RORA: variants seen among roughly 807,000 people sequenced by gnomAD.
RORA encodes the protein RAR related orphan receptor A.
In RORA, 7 loss-of-function variants were observed where a neutral mutation model predicts 69.5. The observed-to-expected ratio is 0.10, with a 90% CI of 0.06 to 0.19. The LOEUF is 0.19. Ranked by LOEUF, RORA falls within the 10% of genes least tolerant of loss-of-function variation. RORA has a pLI of 1.00. For synonymous variants in RORA, 261 were observed against 240.8 expected (o/e 1.08, Z -0.78); for missense variants, 457 against 663.0 (o/e 0.69, Z 3.41).
Position 60,939,234 on chromosome 15 carries a change from C to T in RORA, c.167-260548G>A, listed in dbSNP as rs569905728. Among the ~76,000 whole-genome samples, 15 of 152,126 alleles carry T rather than the reference C, an allele frequency of 9.9e-5. 1 individual carries two copies. The highest frequency in any genetic ancestry group is 6.5e-4 in the Admixed American group (10 of 15,274). ...TCATTGTATTATATACAACAAACTG[C>T]GACCTTGTTCCCACCATGAACCAGG... On this transcript the variant is annotated intron_variant, in intron 1 of 10. Coordinates refer to ENST00000335670, the MANE Select transcript of RORA (RefSeq NM_134261.3).
intron 1 of RORA, among the ~76,000 whole-genome samples, chr15:61,090,842 CTT>C (rs1438746065): frequency 6.6e-6 from 1 of 152,144 alleles, no homozygotes. Context: ...TGCCTGATAG[CTT>C]TTGTCACCCC....
chr15:60,879,497 CTG>C (rs1051809976), intron 1 of RORA, among the ~76,000 whole-genome samples: 9 of 152,144 alleles, frequency 5.9e-5, no homozygotes, highest in African/African-American at 1.4e-4. Context: ...AAGCAAATAA[CTG>C]TCAAAAGTCA....
chr15:60,807,255 C>T (rs2072672653), intron 1 of RORA, among the ~76,000 whole-genome samples: 1 of 152,134 alleles, frequency 6.6e-6, no homozygotes, highest in African/African-American at 2.4e-5. Context: ...AGTAGCCCTG[C>T]TATACACCAA....
chr15:61,043,143 C>T (rs1379438772), intron 1 of RORA, among the ~76,000 whole-genome samples: 1 of 152,140 alleles, frequency 6.6e-6, no homozygotes, highest in Non-Finnish European at 1.5e-5. Flanking sequence ...GTGGTGGGTG[C>T]AATTATCATT....
intron 1 of RORA, among the ~76,000 whole-genome samples, chr15:60,952,289 T>C (rs1235107536): frequency 6.6e-6 from 1 of 151,682 alleles, no homozygotes; most frequent in East Asian, 1.9e-4. Flanking sequence ...TGGGACGTAT[T>C]TCAAAATAAT....
At chr15:60,949,943 G>C (rs1893031037) in intron 1 of RORA, among the ~76,000 whole-genome samples, 2 of 152,062 alleles carry the variant, frequency 1.3e-5, no homozygotes, top group South Asian at 4.2e-4. Flanking sequence ...AGAGTCACTG[G>C]ACATACTCAA....
intron 1 of RORA, among the ~76,000 whole-genome samples, chr15:60,907,881 C>T (rs1891590283): frequency 1.3e-5 from 2 of 152,200 alleles, no homozygotes. Context: ...ACTAATTTTT[C>T]AGCAGCAGAG....
rs200227651 is a variant in RORA, at chr15:60,502,812, G to A, written c.1131C>T (p.Asn377=). Residue 377 remains asparagine, a synonymous_variant, in exon 8 of 11, where the codon AAC becomes AAT. Transcript: ENST00000335670. ...RMCRAFDSQN[N]TVYFDGKYAS... is the part of the protein sequence containing the mutation. ...CATACTTCCCATCAAAGTACACGGT[G>A]TTGTTCTGAGAGTCAAAGGCACGGC... 6.2e-7 allele frequency: 1 copy of A among 1,613,920 alleles called. No homozygotes were observed. The highest frequency in any genetic ancestry group is 8.5e-7 in the Non-Finnish European group (1 of 1,179,934).
chr15:60,614,233 G>T (rs1310664390), intron 2 of RORA, among the ~76,000 whole-genome samples: 1 of 152,136 alleles, frequency 6.6e-6, no homozygotes, highest in Non-Finnish European at 1.5e-5. Context: ...GTACAGTTTG[G>T]CTTAATGGAG....
intron 2 of RORA, among the ~76,000 whole-genome samples, chr15:60,611,008 G>A (rs1006250316): frequency 1.3e-5 from 2 of 152,188 alleles, no homozygotes; most frequent in Non-Finnish European, 2.9e-5. Flanking sequence ...ATAAAGCTAA[G>A]AAGTCATGTC....
chr15:61,213,604 G>C lies in RORA; in HGVS notation c.166+15449C>G, dbSNP rs1030902410. Among the ~76,000 whole-genome samples, 1 of 152,002 alleles carries C rather than the reference G, an allele frequency of 6.6e-6. No individual in the cohort carries two copies. The highest frequency in any genetic ancestry group is 1.5e-5 in the Non-Finnish European group (1 of 67,988). On this transcript the variant is annotated intron_variant, in intron 1 of 10. Transcript: ENST00000335670. The surrounding 1 kb of genome is among the most constrained non-coding windows in gnomAD (Gnocchi z 4.1). ...AATGCCCTGTCACTTTTTGCCAAAA[G>C]AATCTCCTCATTTTTCTAAAACCCG...
intron 2 of RORA, among the ~76,000 whole-genome samples, chr15:60,563,149 A>G (rs971684105): frequency 2.0e-5 from 3 of 152,210 alleles, no homozygotes; most frequent in African/African-American, 4.8e-5. Flanking sequence ...AAATCAAACT[A>G]AGGTGAATAT....
chr15:61,126,394 GC>G lies in RORA; in HGVS notation c.166+102658del, dbSNP rs1335181084. 6.6e-5 allele frequency among the ~76,000 whole-genome samples: 10 copies of G among 152,042 alleles called. No homozygotes were observed. In the East Asian group the frequency reaches 1.2e-3, roughly 18 times the overall value. ...AGAACATTTAAAATCTACTGTCTTAGCAATTTTCAAGTTTATAATAAATTAT... is the reference window on the plus strand; with the variant it reads ...AGAACATTTAAAATCTACTGTCTTAGAATTTTCAAGTTTATAATAAATTAT... On this transcript the variant is annotated intron_variant, in intron 1 of 10. Transcript: ENST00000335670.
At chr15:60,746,309 T>G (rs1176868252) in intron 1 of RORA, among the ~76,000 whole-genome samples, 1 of 152,132 alleles carries the variant, frequency 6.6e-6, no homozygotes, top group East Asian at 1.9e-4. Context: ...TTTTTTTTAA[T>G]TTAATGAATG....
At chr15:60,932,172 T>C (rs1474859223) in intron 1 of RORA, among the ~76,000 whole-genome samples, 2 of 152,126 alleles carry the variant, frequency 1.3e-5, no homozygotes, top group African/African-American at 4.8e-5. Flanking sequence ...ATTTGAAATG[T>C]CCAAGATTAC....
chr15:61,109,479 C>T (rs2078983588), intron 1 of RORA, among the ~76,000 whole-genome samples: 1 of 152,148 alleles, frequency 6.6e-6, no homozygotes, highest in Non-Finnish European at 1.5e-5. Context: ...ACCTCACTGC[C>T]TCTGTTATCA....
intron 1 of RORA, among the ~76,000 whole-genome samples, chr15:60,889,031 A>C (rs1312591643): frequency 6.6e-6 from 1 of 152,244 alleles, no homozygotes. Context: ...GAGATGCTTA[A>C]GGAAAATGGG....
chr15:61,175,588 G>C (rs897740738), intron 1 of RORA, among the ~76,000 whole-genome samples: 1 of 132,674 alleles, frequency 7.5e-6, no homozygotes, highest in East Asian at 2.1e-4. Flanking sequence ...ATGTGCCTGT[G>C]GTCCCAGCTA....
At chr15:61,042,647 G>A (rs1323221966) in intron 1 of RORA, among the ~76,000 whole-genome samples, 1 of 152,230 alleles carries the variant, frequency 6.6e-6, no homozygotes, top group Non-Finnish European at 1.5e-5. Flanking sequence ...GCGGACACAA[G>A]ATAACTCAAT....
Sources: allele counts gnomAD v4.1 joint callset (sites outside exome capture counted in the v4.1 genomes callset), GRCh38; gene constraint gnomAD v4.1.1; non-coding constraint Gnocchi (gnomAD v3.1); transcripts MANE v1.5; gene names NCBI Gene and HGNC (gene_info 2026-07-23, HGNC 2026-07-21).